The following IL1RAPL2 variants were observed in gnomAD, a reference collection of about 807,000 sequenced individuals.
IL1RAPL2 encodes the protein interleukin 1 receptor accessory protein like 2, also known as X-linked interleukin-1 receptor accessory protein-like 2.
IL1RAPL2 carries 3 observed loss-of-function variants against 44.1 expected under a neutral mutation model. The observed-to-expected ratio is 0.07, with a 90% CI of 0.03 to 0.18. The LOEUF is 0.18. Among genes scored for constraint, IL1RAPL2 ranks in the 10% least tolerant of loss-of-function variants. The probability of loss-of-function intolerance (pLI) is 1.00; values close to 1 mark genes in which losing one functional copy is unlikely to be tolerated. For synonymous variants in IL1RAPL2, 181 were observed against 178.8 expected, an observed-to-expected ratio of 1.01 and a Z score of -0.10; for missense variants, 391 against 496.4, an observed-to-expected ratio of 0.79 and a Z score of 2.02.
chrX:104,681,314 G>A (rs1031624988), intron 2 of IL1RAPL2, among the ~76,000 whole-genome samples: 8 of 111,797 alleles, frequency 7.2e-5, no homozygotes, highest in South Asian at 3.7e-4. Flanking sequence ...TTATTAAAAC[G>A]AAGTTCATAA....
chrX:105,013,160 TAAAGA>T (rs1352061421), intron 2 of IL1RAPL2, among the ~76,000 whole-genome samples: 2 of 110,987 alleles, frequency 1.8e-5, no homozygotes, highest in Non-Finnish European at 3.8e-5. Flanking sequence ...AAGCTATAAT[TAAAGA>T]AAAGAGAAGA....
At chrX:104,603,440 G>GACAGAGAA (rs1024812035) in intron 1 of IL1RAPL2, among the ~76,000 whole-genome samples, 2 of 111,674 alleles carry the variant, frequency 1.8e-5, no homozygotes, top group Non-Finnish European at 3.8e-5. Context: ...AACAAAACTG[G>GACAGAGAA]ACAGAGAATG....
At chrX:105,521,311 A>C (rs2036556760) in intron 6 of IL1RAPL2, among the ~76,000 whole-genome samples, 1 of 109,877 alleles carries the variant, frequency 9.1e-6, no homozygotes, top group Admixed American at 9.8e-5. Flanking sequence ...AGCTGCATTA[A>C]ATGGGTCATG....
chrX:105,551,541 G>A (rs182762702), intron 6 of IL1RAPL2, among the ~76,000 whole-genome samples: 9 of 110,953 alleles, frequency 8.1e-5, no homozygotes, highest in African/African-American at 2.6e-4. Flanking sequence ...ATCTATTCAG[G>A]AGCTAATATA....
chrX:105,262,886 AT>A (rs1302354675), intron 4 of IL1RAPL2, among the ~76,000 whole-genome samples: 28 of 105,017 alleles, frequency 2.7e-4, no homozygotes, highest in Admixed American at 6.2e-4. Flanking sequence ...TTCCCTAAAG[AT>A]TTTTTTTTTT....
At chrX:105,302,949 T>A (rs2034707807) in intron 5 of IL1RAPL2, among the ~76,000 whole-genome samples, 1 of 112,017 alleles carries the variant, frequency 8.9e-6, no homozygotes, top group Non-Finnish European at 1.9e-5. Context: ...TGCCCCTGGC[T>A]AGGGCTTGTC....
chrX:105,251,126 AT>A (rs2034265138), intron 4 of IL1RAPL2, among the ~76,000 whole-genome samples: 1 of 110,927 alleles, frequency 9.0e-6, no homozygotes, highest in Non-Finnish European at 1.9e-5. Flanking sequence ...TGGTTTAGGA[AT>A]GACCATTTCT....
intron 2 of IL1RAPL2, among the ~76,000 whole-genome samples, chrX:104,962,038 T>C (rs2030018023): frequency 8.9e-6 from 1 of 112,186 alleles, no homozygotes; most frequent in Non-Finnish European, 1.9e-5. Flanking sequence ...TTCACAGCAG[T>C]AGGAACTCAG....
chrX:104,859,867 G>A (rs945825011), intron 2 of IL1RAPL2, among the ~76,000 whole-genome samples: 2 of 111,911 alleles, frequency 1.8e-5, no homozygotes, highest in Non-Finnish European at 1.9e-5. Context: ...TTTCAGTGAA[G>A]TGGACAGGCA....
At position 104,671,474 on chromosome X, in the gene IL1RAPL2, C is replaced by T. The variant is rs779710011; in HGVS notation, c.82+12479C>T. ...AATGTCATTTTCTCTGTGTACCTTT[C>T]GTTGGATTGCCCCCATCGACCCACC... On this transcript the variant is annotated intron_variant, in intron 2 of 10. Transcript: ENST00000372582. Among the ~76,000 whole-genome samples the T allele has an allele frequency of 7.2e-5, 8 of 111,728 alleles. 1 individual carries two copies. The South Asian group carries it at 1.5e-3, about 21-fold the overall frequency.
At chrX:105,031,709 T>A (rs764513393) in intron 2 of IL1RAPL2, among the ~76,000 whole-genome samples, 13 of 111,983 alleles carry the variant, frequency 1.2e-4, no homozygotes, top group Non-Finnish European at 1.7e-4. Context: ...AATTCTCTTT[T>A]TTGGTTGTGT....
At chrX:105,081,998 T>C in intron 2 of IL1RAPL2, among the ~76,000 whole-genome samples, 1 of 111,903 alleles carries the variant, frequency 8.9e-6, no homozygotes, top group Non-Finnish European at 1.9e-5. Flanking sequence ...ATAAAATGAG[T>C]TAGGGAGGAT....
At chrX:105,664,881 ACTC>A (rs758174677) in intron 6 of IL1RAPL2, among the ~76,000 whole-genome samples, 117 of 111,309 alleles carry the variant, frequency 1.1e-3, no homozygotes, top group African/African-American at 3.6e-3. Flanking sequence ...AAAACAATAA[ACTC>A]CTGCTGGAGA....
At chrX:104,716,404 G>T (rs1037243685) in intron 2 of IL1RAPL2, among the ~76,000 whole-genome samples, 2 of 111,235 alleles carry the variant, frequency 1.8e-5, no homozygotes, top group African/African-American at 6.5e-5. Context: ...AAAAGCAATT[G>T]CAACAAAAGC....
chrX:104,890,471 C>A (rs1923394382), intron 2 of IL1RAPL2, among the ~76,000 whole-genome samples: 1 of 112,036 alleles, frequency 8.9e-6, no homozygotes, highest in African/African-American at 3.2e-5. Flanking sequence ...TGTTTCCTGA[C>A]TTTTTAATAG....
At chrX:105,084,491 T>C (rs953643571) in intron 2 of IL1RAPL2, among the ~76,000 whole-genome samples, 1 of 113,039 alleles carries the variant, frequency 8.8e-6, no homozygotes, top group Non-Finnish European at 1.9e-5. Context: ...AGTGCCTCAC[T>C]TGATTTTGGA....
intron 2 of IL1RAPL2, among the ~76,000 whole-genome samples, chrX:104,977,307 T>C (rs1387434831): frequency 8.9e-6 from 1 of 112,198 alleles, no homozygotes; most frequent in African/African-American, 3.2e-5. Flanking sequence ...GTGGTACTAC[T>C]GTGGACACTT....
intron 5 of IL1RAPL2, among the ~76,000 whole-genome samples, chrX:105,316,395 G>A (rs1315758188): frequency 8.9e-6 from 1 of 112,179 alleles, no homozygotes; most frequent in Non-Finnish European, 1.9e-5. Flanking sequence ...CTGTGTACTC[G>A]TTAGTTATCT....
chrX:104,631,643 C>T (rs954169295), intron 1 of IL1RAPL2, among the ~76,000 whole-genome samples: 1 of 111,955 alleles, frequency 8.9e-6, no homozygotes, highest in South Asian at 3.7e-4. Context: ...TCTTCTTCTG[C>T]GAAGTGTCTG....
Sources: allele counts gnomAD v4.1 joint callset (sites outside exome capture counted in the v4.1 genomes callset), GRCh38; gene constraint gnomAD v4.1.1; transcripts MANE v1.5; gene names NCBI Gene and HGNC (gene_info 2026-07-23, HGNC 2026-07-21).